Variants in GAS7 observed in about 807,000 individuals in gnomAD.
The protein encoded by GAS7 is growth arrest specific 7, also known as growth arrest-specific protein 7.
A neutral mutation model predicts 71.1 loss-of-function variants in GAS7; 28 were observed. The ratio of observed to expected loss-of-function variants is 0.39; its 90% CI spans 0.29 to 0.54. GAS7 has a LOEUF of 0.54. GAS7 is among the 20% of genes least tolerant of loss of function. The pLI is 0.62. For synonymous variants in GAS7, 258 were observed against 245.8 expected, an observed-to-expected ratio of 1.05 and a Z score of -0.46; for missense variants, 436 against 627.8, an observed-to-expected ratio of 0.69 and a Z score of 3.27.
intron 1 of GAS7, among the ~76,000 whole-genome samples, chr17:10,156,607 G>A (rs772542547): frequency 6.6e-6 from 1 of 152,068 alleles, no homozygotes; most frequent in Admixed American, 6.5e-5. Context: ...AGGGACCCTC[G>A]CACCCTCTGG....
intron 1 of GAS7, among the ~76,000 whole-genome samples, chr17:10,089,216 G>A (rs1018652586): frequency 2.0e-5 from 3 of 152,038 alleles, no homozygotes; most frequent in African/African-American, 7.2e-5. Flanking sequence ...AAGTTCCCAT[G>A]CACTGTCTTC....
chr17:9,996,168 C>CCAAGT (rs1165559750), intron 2 of GAS7, among the ~76,000 whole-genome samples: 1 of 152,084 alleles, frequency 6.6e-6, no homozygotes, highest in Non-Finnish European at 1.5e-5. Context: ...AGACTTGGAA[C>CCAAGT]CAAGTCAAAT....
chr17:10,016,751 A>AAATAATAATAATAAT (rs4057773), intron 2 of GAS7, among the ~76,000 whole-genome samples: 2 of 139,914 alleles, frequency 1.4e-5, no homozygotes, highest in South Asian at 2.3e-4. Context: ...TCTCTACAAA[A>AAATAATAATAATAAT]AATAATAATA....
Position 10,005,227 on chromosome 17 carries a change from A to G in GAS7, c.304+14550T>C, listed in dbSNP as rs527937561. Among the ~76,000 whole-genome samples, 197 of 93,616 alleles carry G rather than the reference A, an allele frequency of 2.1e-3. 1 individual carries two copies. Among genetic ancestry groups the G allele is most frequent in the African/African-American group, 0.014 (154 of 10,864 alleles). 61.4% of individuals were successfully genotyped at this position (93,616 alleles called of 152,430 possible). A position where few individuals can be genotyped will look rare whatever the true frequency, so the allele number is the denominator to read the frequency against. On this transcript the variant is annotated intron_variant, in intron 2 of 13. Coordinates refer to ENST00000432992, the MANE Select transcript of GAS7 (RefSeq NM_201433.2). ...TGTGTGCATGTGCGCGTGTGCATGT[A>G]TGTGTATGTGCGCGCATGCATGTGT...
In GAS7 at chr17:9,982,815, GGAAAGAAAGGAAA is replaced by G. The variant is rs1259613285; in HGVS notation, c.305-944_305-932del. On this transcript the variant is annotated intron_variant, in intron 2 of 13. Coordinates refer to ENST00000432992, the MANE Select transcript of GAS7 (RefSeq NM_201433.2). ...AAAGAAAGGAAAGAAAGGAAAGAAA[GGAAAGAAAGGAAA>G]GAAAGAAAGAAAGAAAGAAAGAAAG... Among the ~76,000 whole-genome samples the G allele has an allele frequency of 2.5e-3, 186 of 74,284 alleles. 1 individual carries two copies. The highest frequency in any genetic ancestry group is 0.017 in the East Asian group (62 of 3,688). 48.7% of individuals were successfully genotyped at this position (74,284 alleles called of 152,430 possible).
chr17:10,127,164 G>A (rs2073957847), intron 1 of GAS7, among the ~76,000 whole-genome samples: 1 of 152,150 alleles, frequency 6.6e-6, no homozygotes, highest in African/African-American at 2.4e-5. Flanking sequence ...CCTGCATTTT[G>A]AACCCTAAAT....
Position 10,030,277 on chromosome 17 carries a change from G to A in GAS7, c.184-10380C>T, listed in dbSNP as rs532701971. Among the ~76,000 whole-genome samples the A allele has an allele frequency of 3.9e-5, 6 of 152,352 alleles. No individual in the cohort carries two copies. The South Asian group carries it at 1.2e-3, about 32-fold the overall frequency. On this transcript the variant is annotated intron_variant, in intron 1 of 13. Transcript: ENST00000432992. Reference sequence around the variant, plus strand: ...GAATCCATTCAGGTGGATAGGTTGGGACCAAAGTACTTTGTGGATGAAGGA... The same window carrying A: ...GAATCCATTCAGGTGGATAGGTTGGAACCAAAGTACTTTGTGGATGAAGGA...
At chr17:10,165,805 G>C (rs1009656104) in intron 1 of GAS7, among the ~76,000 whole-genome samples, 3 of 152,102 alleles carry the variant, frequency 2.0e-5, no homozygotes, top group Admixed American at 2.0e-4. Context: ...GTGGCTCTCA[G>C]GATCTGGAAA....
At chr17:9,992,491 T>C (rs79594977) in intron 2 of GAS7, among the ~76,000 whole-genome samples, 2,628 of 151,640 alleles carry the variant, frequency 0.017, 85 homozygotes, top group African/African-American at 0.059. Flanking sequence ...GGGAGAAGGT[T>C]CCAGTGTGTG....
At chr17:9,962,877 GC>G (rs1157854510) in intron 4 of GAS7, among the ~76,000 whole-genome samples, 1 of 151,998 alleles carries the variant, frequency 6.6e-6, no homozygotes, top group Non-Finnish European at 1.5e-5. Context: ...GGGTGGTTGT[GC>G]CCCCAAATGC....
At chr17:10,156,674 G>A (rs1567613524) in intron 1 of GAS7, among the ~76,000 whole-genome samples, 1 of 152,176 alleles carries the variant, frequency 6.6e-6, no homozygotes, top group Non-Finnish European at 1.5e-5. Context: ...GAAGGTTCAT[G>A]AGGAAAGCGA....
At position 9,985,051 on chromosome 17, in the gene GAS7, G is replaced by A. The variant is rs536207499; in HGVS notation, c.305-3167C>T. On this transcript the variant is annotated intron_variant, in intron 2 of 13. Coordinates refer to ENST00000432992, the MANE Select transcript of GAS7 (RefSeq NM_201433.2). The stretch of plus-strand genomic sequence containing the variant: ...GTTCCCTGGCCCCTGGACAACCAGG[G>A]ACAGGGCTCACTCACCATCACCAGC... Among the ~76,000 whole-genome samples the A allele has an allele frequency of 4.0e-4, 61 of 152,232 alleles. 1 individual carries two copies. Among genetic ancestry groups the A allele is most frequent in the Middle Eastern group, 3.4e-3 (1 of 294 alleles).
At chr17:10,143,855 C>A (rs953501528) in intron 1 of GAS7, among the ~76,000 whole-genome samples, 8 of 152,200 alleles carry the variant, frequency 5.3e-5, no homozygotes, top group Non-Finnish European at 8.8e-5. Context: ...CAAACTCACA[C>A]GTGTCTGTCA....
chr17:9,919,796 T>TC lies in GAS7; in HGVS notation c.1139-92dup. 1 of 946,764 alleles carries TC rather than the reference T, an allele frequency of 1.1e-6. No homozygotes were observed. Among genetic ancestry groups the TC allele is most frequent in the Admixed American group, 1.7e-5 (1 of 58,466 alleles). 58.6% of individuals were successfully genotyped at this position (946,764 alleles called of 1,614,324 possible). On this transcript the variant is annotated intron_variant, in intron 11 of 13. Coordinates refer to ENST00000432992, the MANE Select transcript of GAS7 (RefSeq NM_201433.2). This position sits in a 1 kb window ranked among gnomAD's most constrained non-coding sequence, Gnocchi z 5.0. ...TGAGCCCCACAGCCAAGCCTTCTCC[T>TC]CCCCCTGGGGTCATGGTGGCCGCTG... is the stretch of plus-strand genomic sequence containing the variant.
chr17:10,152,599 C>T (rs1381942050), intron 1 of GAS7, among the ~76,000 whole-genome samples: 3 of 152,150 alleles, frequency 2.0e-5, no homozygotes, highest in Non-Finnish European at 2.9e-5. Context: ...TCCAGTGCCT[C>T]GTCCACTGCT....
At chr17:10,129,840 T>A (rs2073982118) in intron 1 of GAS7, among the ~76,000 whole-genome samples, 1 of 152,080 alleles carries the variant, frequency 6.6e-6, no homozygotes, top group South Asian at 2.1e-4. Context: ...GTAACTCAAT[T>A]ACAAAATGGG....
intron 1 of GAS7, among the ~76,000 whole-genome samples, chr17:10,150,933 C>T (rs780805553): frequency 8.5e-5 from 13 of 152,098 alleles, no homozygotes; most frequent in Non-Finnish European, 1.5e-4. Context: ...CATGGTGTGA[C>T]CATAAGTGAG....
rs2068545114 is a variant in GAS7 at position 9,940,026 on chromosome 17, T to G, written c.806+100A>C. The G allele has an allele frequency of 7.5e-6, 6 of 803,916 alleles. No homozygotes were observed. The South Asian group carries it at 8.2e-5, about 11-fold the overall frequency. 49.8% of individuals were successfully genotyped at this position (803,916 alleles called of 1,614,324 possible). A position where few individuals can be genotyped will look rare whatever the true frequency, so the allele number is the denominator to read the frequency against. On this transcript the variant is annotated intron_variant, in intron 8 of 13. Coordinates refer to ENST00000432992, the MANE Select transcript of GAS7 (RefSeq NM_201433.2). ...AGCCAGGCCTATGGAGAGCTCCCCA[T>G]CCAAAGTGGGGCCATGCCAGTGATC... is the stretch of plus-strand genomic sequence containing the variant.
At chr17:9,961,133 A>G (rs2069473893) in intron 4 of GAS7, among the ~76,000 whole-genome samples, 1 of 152,180 alleles carries the variant, frequency 6.6e-6, no homozygotes, top group Admixed American at 6.5e-5. Context: ...CTGTGGTTTC[A>G]CTGAGGTACC....
Sources: allele counts gnomAD v4.1 joint callset (sites outside exome capture counted in the v4.1 genomes callset), GRCh38; gene constraint gnomAD v4.1.1; non-coding constraint Gnocchi (gnomAD v3.1); transcripts MANE v1.5; gene names NCBI Gene and HGNC (gene_info 2026-07-23, HGNC 2026-07-21).